Variants in DNAJC3 observed in about 807,000 individuals in gnomAD.
The protein encoded by DNAJC3 is DnaJ heat shock protein family (Hsp40) member C3.
DNAJC3 carries 38 observed loss-of-function variants against 68.6 expected under a neutral mutation model. The ratio of observed to expected loss-of-function variants is 0.55; its 90% confidence interval spans 0.43 to 0.73. The LOEUF is 0.73. Among genes scored for constraint, DNAJC3 ranks in the 30% least tolerant of loss-of-function variants. The probability of loss-of-function intolerance (pLI) is 0.00; values close to 1 mark genes in which losing one functional copy is unlikely to be tolerated. For synonymous variants in DNAJC3, 203 were observed against 204.0 expected, an observed-to-expected ratio of 1.00 and a Z score of 0.04; for missense variants, 526 against 591.9, an observed-to-expected ratio of 0.89 and a Z score of 1.16.
At chr13:95,700,348 T>A (rs759919610) in intron 1 of DNAJC3, among the ~76,000 whole-genome samples, 7 of 152,210 alleles carry the variant, frequency 4.6e-5, no homozygotes, top group Non-Finnish European at 8.8e-5. Context: ...TTTCTCGAAC[T>A]AACCAGCTTC....
rs1486177110 is a variant in DNAJC3, at chr13:95,792,635, T to C, written c.*1605T>C. ...TGAATTGAGCAGAACACTTAAGTGCTTTCTGCATCTATTTAGGAGTCTATT... is the reference window on the plus strand; with the variant it reads ...TGAATTGAGCAGAACACTTAAGTGCCTTCTGCATCTATTTAGGAGTCTATT... On this transcript the variant is annotated 3_prime_UTR_variant, in exon 12 of 12. Transcript: ENST00000602402. 6.6e-6 allele frequency: 1 copy of C among 152,232 alleles called. No individual in the cohort carries two copies. Among genetic ancestry groups the C allele is most frequent in the Non-Finnish European group, 1.5e-5 (1 of 68,038 alleles). 9.4% of individuals were successfully genotyped at this position (152,232 alleles called of 1,614,324 possible).
chr13:95,717,852 C>A (rs1218258842), intron 2 of DNAJC3, among the ~76,000 whole-genome samples: 1 of 152,178 alleles, frequency 6.6e-6, no homozygotes, highest in Non-Finnish European at 1.5e-5. Flanking sequence ...AATACCCAGT[C>A]TTGGGTATGT....
At chr13:95,738,962 T>C (rs540214193) in intron 4 of DNAJC3, among the ~76,000 whole-genome samples, 4,516 of 152,194 alleles carry the variant, frequency 0.03, 235 homozygotes, top group African/African-American at 0.1. Context: ...CGGCTGGTAC[T>C]GGTTGTTCCT....
chr13:95,694,256 A>C (rs1441237038), intron 1 of DNAJC3: 1 of 152,516 alleles, frequency 6.6e-6, no homozygotes, highest in Non-Finnish European at 1.5e-5. Context: ...TTGATCCTTA[A>C]TGTCTCAGGG....
chr13:95,764,367 C>CTATA (rs1216801215), intron 9 of DNAJC3, among the ~76,000 whole-genome samples: 5 of 140,284 alleles, frequency 3.6e-5, no homozygotes, highest in East Asian at 2.0e-4. Flanking sequence ...CTCTCTCTCT[C>CTATA]TCTCTCTCTA....
rs947099057 is a variant in DNAJC3, at chr13:95,677,165, C to T, written c.-91C>T. The T allele has an allele frequency of 2.4e-6, 3 of 1,239,512 alleles. No individual in the cohort carries two copies. The highest frequency in any genetic ancestry group is 1.4e-5 in the South Asian group (1 of 71,420). The allele number at this position is 1,239,512 out of a possible 1,614,324, so 76.8% of individuals were successfully genotyped here. ...GAGCCACTGAGGCCTGAGCGAGAGC[C>T]GACGGCGGGCGGGCGCAGCTGCTGC... On this transcript the variant is annotated 5_prime_UTR_variant, in exon 1 of 12. Coordinates refer to ENST00000602402, the MANE Select transcript of DNAJC3 (RefSeq NM_006260.5).
intron 1 of DNAJC3, among the ~76,000 whole-genome samples, chr13:95,685,005 A>T (rs1247930123): frequency 6.6e-6 from 1 of 152,262 alleles, no homozygotes; most frequent in Non-Finnish European, 1.5e-5. Flanking sequence ...TGCAGAGGGG[A>T]AATGTGGGGT....
At chr13:95,786,830 A>G (rs887652504) in intron 10 of DNAJC3, among the ~76,000 whole-genome samples, 177 bp from the exon 11 acceptor site, 2 of 152,212 alleles carry the variant, frequency 1.3e-5, no homozygotes, top group African/African-American at 2.4e-5. Context: ...GCCTGATGTC[A>G]GCTTTAATGA....
intron 1 of DNAJC3, among the ~76,000 whole-genome samples, chr13:95,708,619 C>T (rs1342779954): frequency 1.3e-5 from 2 of 152,112 alleles, no homozygotes; most frequent in Non-Finnish European, 2.9e-5. Flanking sequence ...TCAAGAAGGC[C>T]TGCCCTTTAC....
In DNAJC3 at chr13:95,779,404, AT is replaced by A. The variant is rs1883387538; in HGVS notation, c.1076-6534del. Among the ~76,000 whole-genome samples the A allele has an allele frequency of 2.0e-5, 3 of 152,236 alleles. No homozygotes were observed. The East Asian group carries it at 5.8e-4, about 29-fold the overall frequency. On this transcript the variant is annotated intron_variant, in intron 9 of 11. Transcript: ENST00000602402. Reference sequence around the variant, plus strand: ...CTCCCAAAGTGCTGGGATTACAGGCATGAGCCATCGCGCCCGGCCTAATATT... The same window carrying A: ...CTCCCAAAGTGCTGGGATTACAGGCAGAGCCATCGCGCCCGGCCTAATATT...
intron 9 of DNAJC3, among the ~76,000 whole-genome samples, chr13:95,780,655 T>C (rs1883424000): frequency 6.7e-6 from 1 of 148,454 alleles, no homozygotes; most frequent in Non-Finnish European, 1.5e-5. Context: ...TTGTGTGATA[T>C]GTTTCTTTTG....
At chr13:95,778,381 T>C (rs1226260875) in intron 9 of DNAJC3, among the ~76,000 whole-genome samples, 1 of 152,196 alleles carries the variant, frequency 6.6e-6, no homozygotes, top group Non-Finnish European at 1.5e-5. Context: ...AGGTGAGTTA[T>C]TTGCACGCCA....
At chr13:95,684,640 AG>A (rs897771429) in intron 1 of DNAJC3, among the ~76,000 whole-genome samples, 4 of 152,216 alleles carry the variant, frequency 2.6e-5, no homozygotes, top group Admixed American at 2.6e-4. Context: ...AAGGGCTCCA[AG>A]GCATCTCAGC....
intron 9 of DNAJC3, among the ~76,000 whole-genome samples, chr13:95,773,456 G>A (rs1198132093): frequency 6.6e-6 from 1 of 151,338 alleles, no homozygotes; most frequent in Non-Finnish European, 1.5e-5. Context: ...CAGGCGTTAA[G>A]TCACTGCACC....
At chr13:95,736,055 C>A (rs1435977649) in intron 4 of DNAJC3, among the ~76,000 whole-genome samples, 4 of 152,058 alleles carry the variant, frequency 2.6e-5, no homozygotes, top group African/African-American at 4.8e-5. Flanking sequence ...GCCAGTTTTC[C>A]CAGCACCATT....
chr13:95,741,396 G>C (rs187709451), intron 4 of DNAJC3, among the ~76,000 whole-genome samples: 1 of 152,190 alleles, frequency 6.6e-6, no homozygotes, highest in Non-Finnish European at 1.5e-5. Flanking sequence ...AAGCTGTTTT[G>C]TAGTTTTGCT....
intron 1 of DNAJC3, among the ~76,000 whole-genome samples, chr13:95,687,903 TG>T (rs765185398): frequency 6.6e-6 from 1 of 152,232 alleles, no homozygotes; most frequent in Non-Finnish European, 1.5e-5. Context: ...TCTTCCAACC[TG>T]TGAGCATGGA....
intron 4 of DNAJC3, among the ~76,000 whole-genome samples, chr13:95,743,173 TTACTA>T (rs1315000141): frequency 6.6e-6 from 1 of 152,212 alleles, no homozygotes; most frequent in African/African-American, 2.4e-5. Flanking sequence ...ACTCTGTTGA[TTACTA>T]TAGATAGTAT....
intron 9 of DNAJC3, among the ~76,000 whole-genome samples, chr13:95,783,782 C>T (rs369645230): frequency 1.3e-5 from 2 of 152,262 alleles, no homozygotes; most frequent in East Asian, 3.9e-4. Context: ...ACAGGGGGTC[C>T]TTGTCACACG....
Sources: allele counts gnomAD v4.1 joint callset (sites outside exome capture counted in the v4.1 genomes callset), GRCh38; gene constraint gnomAD v4.1.1; transcripts MANE v1.5; gene names NCBI Gene and HGNC (gene_info 2026-07-23, HGNC 2026-07-21).